Variants in NECAB1 observed in about 807,000 individuals in gnomAD.
NECAB1 encodes N-terminal EF-hand calcium-binding protein 1.
Under a neutral mutation model 57.5 loss-of-function variants are expected in NECAB1, and 29 were observed. The ratio of observed to expected loss-of-function variants is 0.50; its 90% confidence interval spans 0.38 to 0.69. The LOEUF (loss-of-function observed/expected upper bound fraction) is 0.69. Ranked by LOEUF, NECAB1 falls within the 30% of genes least tolerant of loss-of-function variation. The probability of loss-of-function intolerance (pLI) is 0.00; values close to 1 mark genes in which losing one functional copy is unlikely to be tolerated. For synonymous variants in NECAB1, 142 were observed against 147.7 expected (o/e 0.96, Z 0.28); for missense variants, 372 against 413.8 (o/e 0.90, Z 0.88).
chr8:90,854,550 T>C (rs1812756149), intron 3 of NECAB1, among the ~76,000 whole-genome samples: 2 of 152,224 alleles, frequency 1.3e-5, no homozygotes, highest in African/African-American at 4.8e-5. Context: ...CTCCTTTACA[T>C]GTTATAACTG....
chr8:90,950,456 G>A (rs369558710), intron 11 of NECAB1, among the ~76,000 whole-genome samples: 6 of 152,128 alleles, frequency 3.9e-5, no homozygotes, highest in African/African-American at 1.4e-4. Context: ...ATTTTAAAAT[G>A]GAATGAAAGA....
chr8:90,834,504 G>GTGC (rs1016682787), intron 3 of NECAB1, among the ~76,000 whole-genome samples: 3 of 152,120 alleles, frequency 2.0e-5, no homozygotes, highest in African/African-American at 7.2e-5. Flanking sequence ...TACATAGAAA[G>GTGC]TGCCATCGAT....
intron 7 of NECAB1, among the ~76,000 whole-genome samples, chr8:90,925,999 C>G (rs1387325966): frequency 6.6e-6 from 1 of 152,196 alleles, no homozygotes; most frequent in African/African-American, 2.4e-5. Context: ...TGCTCTAGAT[C>G]TCCAAGCCTC....
chr8:90,905,904 T>C (rs1809629563), intron 5 of NECAB1, among the ~76,000 whole-genome samples: 1 of 152,206 alleles, frequency 6.6e-6, no homozygotes, highest in South Asian at 2.1e-4. Flanking sequence ...GTTTATTTTT[T>C]GGAAGTTCTT....
chr8:90,878,983 T>TATATTATATATA (rs1205767830), intron 4 of NECAB1, among the ~76,000 whole-genome samples: 22 of 144,378 alleles, frequency 1.5e-4, no homozygotes, highest in African/African-American at 4.9e-4. Flanking sequence ...TCTCTCTCTC[T>TATATTATATATA]ACATATATTA....
chr8:90,868,520 C>T (rs1563511231), intron 3 of NECAB1, among the ~76,000 whole-genome samples: 1 of 152,122 alleles, frequency 6.6e-6, no homozygotes, highest in Non-Finnish European at 1.5e-5. Context: ...AGGTCATTCT[C>T]ACTATACTTT....
chr8:90,838,001 T>C (rs1282488511), intron 3 of NECAB1, among the ~76,000 whole-genome samples: 1 of 152,246 alleles, frequency 6.6e-6, no homozygotes, highest in African/African-American at 2.4e-5. Flanking sequence ...TGTGTCTATG[T>C]CCTGGTTGGC....
intron 10 of NECAB1, among the ~76,000 whole-genome samples, chr8:90,945,685 T>C (rs958214720): frequency 2.6e-5 from 4 of 152,128 alleles, no homozygotes; most frequent in African/African-American, 9.7e-5. Context: ...TTATGGGCAG[T>C]TTCCTCATTT....
chr8:90,811,340 C>G (rs1542931), intron 2 of NECAB1, among the ~76,000 whole-genome samples: 57,317 of 151,994 alleles, frequency 0.38, 12,031 homozygotes, highest in East Asian at 0.81. Flanking sequence ...AATTTCAATG[C>G]GTTCACAATG....
intron 5 of NECAB1, among the ~76,000 whole-genome samples, chr8:90,899,084 C>T (rs1262872571): frequency 6.6e-6 from 1 of 152,202 alleles, no homozygotes; most frequent in African/African-American, 2.4e-5. Flanking sequence ...GGCAGAGAGC[C>T]TCTGACAAAG....
intron 5 of NECAB1, among the ~76,000 whole-genome samples, chr8:90,893,563 C>T (rs143042359): frequency 4.4e-4 from 67 of 152,180 alleles, no homozygotes; most frequent in African/African-American, 1.5e-3. Flanking sequence ...CTAGGGAGAA[C>T]GTGAAAAGGG....
intron 5 of NECAB1, among the ~76,000 whole-genome samples, chr8:90,907,114 AC>A (rs1809697149): frequency 7.2e-6 from 1 of 139,852 alleles, no homozygotes; most frequent in South Asian, 2.3e-4. Flanking sequence ...CTTATAATCC[AC>A]CCAATTTTGT....
chr8:90,812,270 C>T (rs976015135), intron 2 of NECAB1, among the ~76,000 whole-genome samples: 1 of 152,178 alleles, frequency 6.6e-6, no homozygotes, highest in South Asian at 2.1e-4. Context: ...GTATTCTTCA[C>T]GTTGCTAATT....
At chr8:90,896,471 G>A (rs996498981) in intron 5 of NECAB1, among the ~76,000 whole-genome samples, 63 of 152,194 alleles carry the variant, frequency 4.1e-4, no homozygotes, top group Admixed American at 1.0e-3. Context: ...CGGGCGTGGT[G>A]GCGGGTGCCT....
chr8:90,917,966 GTGTGTGTGTGTATATATATACATATA>G (rs1810014271), intron 6 of NECAB1, among the ~76,000 whole-genome samples: 3 of 65,168 alleles, frequency 4.6e-5, no homozygotes, highest in Admixed American at 1.4e-4. Flanking sequence ...ACACACATAT[GTGTGTGTGTGTATATATATACATATA>G]TGTGTGTGTG....
intron 3 of NECAB1, among the ~76,000 whole-genome samples, chr8:90,871,772 G>A (rs2129845797): frequency 6.6e-6 from 1 of 152,236 alleles, no homozygotes; most frequent in Non-Finnish European, 1.5e-5. Flanking sequence ...GACGAATTGA[G>A]ACACAGAGAT....
At chr8:90,823,221 A>C (rs575427800) in intron 2 of NECAB1, among the ~76,000 whole-genome samples, 4 of 151,952 alleles carry the variant, frequency 2.6e-5, no homozygotes, top group African/African-American at 9.6e-5. Flanking sequence ...TCTGTGCTTG[A>C]TTCAGATCTG....
At chr8:90,938,963 A>C (rs1265014960) in intron 9 of NECAB1, among the ~76,000 whole-genome samples, 1 of 152,154 alleles carries the variant, frequency 6.6e-6, no homozygotes. Context: ...ATCTTGGCTG[A>C]GCTTTCTCGT....
chr8:90,808,319 C>A (rs1229202661), intron 2 of NECAB1, among the ~76,000 whole-genome samples: 1 of 152,168 alleles, frequency 6.6e-6, no homozygotes, highest in African/African-American at 2.4e-5. Flanking sequence ...TCCCAGCCTT[C>A]CTTTCCTTTC....
Sources: allele counts gnomAD v4.1 joint callset (sites outside exome capture counted in the v4.1 genomes callset), GRCh38; gene constraint gnomAD v4.1.1; transcripts MANE v1.5; gene names NCBI Gene and HGNC (gene_info 2026-07-23, HGNC 2026-07-21).